PTPRQ: variants seen among roughly 807,000 people sequenced by gnomAD.
PTPRQ encodes protein tyrosine phosphatase receptor type Q.
PTPRQ carries 199 observed loss-of-function variants against 246.0 expected under a neutral mutation model. The ratio of observed to expected loss-of-function variants is 0.81; its 90% CI spans 0.72 to 0.91. The LOEUF (loss-of-function observed/expected upper bound fraction) is 0.91, where lower values mean the gene tolerates loss of function less well. Among genes scored for constraint, PTPRQ ranks in the 40% least tolerant of loss-of-function variants. The pLI, the probability that PTPRQ is intolerant of heterozygous loss-of-function variation, is 0.00. For synonymous variants in PTPRQ, 869 were observed against 853.2 expected, an observed-to-expected ratio of 1.02 and a Z score of -0.32; for missense variants, 2,624 against 2,528.4, an observed-to-expected ratio of 1.04 and a Z score of -0.81.
At chr12:80,462,008 G>T in intron 6 of PTPRQ, 1 of 695,392 alleles carries the variant, frequency 1.4e-6, no homozygotes, top group East Asian at 2.7e-5. Flanking sequence ...GCCAGACAGT[G>T]GATGCAGGTC....
chr12:80,542,848 T>G lies in PTPRQ; in HGVS notation c.3840T>G (p.Ile1280Met), dbSNP rs1251491003. 5 of 1,538,202 alleles carry G rather than the reference T, an allele frequency of 3.3e-6. No homozygotes were observed. Among genetic ancestry groups the G allele is most frequent in the Non-Finnish European group, 4.4e-6 (5 of 1,141,076 alleles). ...GGIVKVYSFK[I>M]HEHETDTIYY... ...TTGTTAAAGTATATAGTTTTAAAAT[T>G]CATGAACATGAAACTGACACTATAT... Residue 1280 changes from isoleucine (I) to methionine (M), a missense_variant, in exon 23 of 45, where the codon ATT becomes ATG. By Grantham distance (10) the Ile-to-Met change is conservative (BLOSUM62 1). Coordinates refer to ENST00000644991, the MANE Select transcript of PTPRQ (RefSeq NM_001145026.2).
At chr12:80,514,398 ACACACTCT>A (rs1895218806) in intron 17 of PTPRQ, among the ~76,000 whole-genome samples, 1 of 42,314 alleles carries the variant, frequency 2.4e-5, no homozygotes, top group African/African-American at 7.0e-5. Context: ...ACACACACAC[ACACACTCT>A]CTCTCTCTCT....
intron 6 of PTPRQ, among the ~76,000 whole-genome samples, chr12:80,467,874 G>A (rs559707072): frequency 3.2e-4 from 48 of 152,208 alleles, no homozygotes; most frequent in African/African-American, 1.1e-3. Context: ...GGGGCAGGGG[G>A]GAGGTATAGC....
At chr12:80,588,050 A>T in intron 25 of PTPRQ, 79 bp from the exon 26 acceptor site, 1 of 1,396,680 alleles carries the variant, frequency 7.2e-7, no homozygotes, top group Non-Finnish European at 9.5e-7. Context: ...GCTCCTCCAT[A>T]ATAGAATTCT....
At chr12:80,465,545 A>T (rs201067645) in intron 6 of PTPRQ, 3 of 152,016 alleles carry the variant, frequency 2.0e-5, no homozygotes, top group Admixed American at 6.6e-5. Flanking sequence ...GGGTAGAGAC[A>T]CAACCAAAAA....
At chr12:80,450,309 C>G (rs1302363069) in intron 3 of PTPRQ, among the ~76,000 whole-genome samples, 1 of 152,170 alleles carries the variant, frequency 6.6e-6, no homozygotes, top group Non-Finnish European at 1.5e-5. Context: ...GATATACAAT[C>G]ATGTCATCTT....
chr12:80,450,360 A>G (rs530114120), intron 3 of PTPRQ, among the ~76,000 whole-genome samples: 37 of 152,230 alleles, frequency 2.4e-4, no homozygotes, highest in African/African-American at 8.2e-4. Context: ...CTAATTGAAT[A>G]CCCTTTATTT....
At chr12:80,631,012 C>A (rs1473783197) in intron 33 of PTPRQ, among the ~76,000 whole-genome samples, 1 of 152,268 alleles carries the variant, frequency 6.6e-6, no homozygotes, top group East Asian at 1.9e-4. Flanking sequence ...CCGTGCCCAG[C>A]CCTGTTTATT....
intron 26 of PTPRQ, among the ~76,000 whole-genome samples, chr12:80,589,568 C>T (rs982753033): frequency 5.9e-5 from 9 of 152,186 alleles, no homozygotes; most frequent in African/African-American, 2.2e-4. Context: ...GTGAAATACA[C>T]TTTGATCTAG....
intron 38 of PTPRQ, among the ~76,000 whole-genome samples, chr12:80,655,477 A>G (rs1900401292): frequency 6.6e-6 from 1 of 152,226 alleles, no homozygotes; most frequent in African/African-American, 2.4e-5. Flanking sequence ...ATGTCTGGAG[A>G]TAACAAACCC....
rs1442286452 is a variant in PTPRQ, at chr12:80,586,652, C to A, written c.4286-1477C>A. The A allele has an allele frequency of 4.6e-5, 7 of 152,310 alleles. No homozygotes were observed. The East Asian group carries it at 1.3e-3, about 29-fold the overall frequency. The allele number at this position is 152,310 out of a possible 1,614,324, so 9.4% of individuals were successfully genotyped here. ...AATTTTCAATATCCCTGAAACTCTC[C>A]TTCTTCTCATTCTTCTTTTTCTCCG... On this transcript the variant is annotated intron_variant, in intron 25 of 44. Transcript: ENST00000644991.
chr12:80,535,119 T>C lies in PTPRQ; in HGVS notation c.2985+82T>C. 2.3e-6 allele frequency: 3 copies of C among 1,315,086 alleles called. No homozygotes were observed. The South Asian group carries it at 4.9e-5, about 21-fold the overall frequency. 81.5% of individuals were successfully genotyped at this position (1,315,086 alleles called of 1,614,324 possible). A position where few individuals can be genotyped will look rare whatever the true frequency, so the allele number is the denominator to read the frequency against. On this transcript the variant is annotated intron_variant, in intron 19 of 44. Transcript: ENST00000644991. Reference sequence around the variant, plus strand: ...TACAGACTTGTCACAGTAAAAGAAATTGTTTACCTTACATTGATAATTAGG... The same window carrying C: ...TACAGACTTGTCACAGTAAAAGAAACTGTTTACCTTACATTGATAATTAGG...
intron 19 of PTPRQ, among the ~76,000 whole-genome samples, chr12:80,538,183 CTATATT>C (rs1896046206): frequency 6.6e-6 from 1 of 152,116 alleles, no homozygotes; most frequent in African/African-American, 2.4e-5. Context: ...TACCTTCTGA[CTATATT>C]TATATAAACA....
At chr12:80,573,274 G>A (rs1897196610) in intron 25 of PTPRQ, among the ~76,000 whole-genome samples, 1 of 152,164 alleles carries the variant, frequency 6.6e-6, no homozygotes, top group African/African-American at 2.4e-5. Flanking sequence ...CGGATCACGA[G>A]GTCAGTAGAT....
chr12:80,620,113 A>T (rs1196365804), intron 31 of PTPRQ, 41 bp from the exon 32 acceptor site: 1 of 1,503,456 alleles, frequency 6.7e-7, no homozygotes, highest in African/African-American at 1.4e-5. Context: ...ATATATTCAT[A>T]TGTTACTTGG....
chr12:80,579,604 C>T (rs562566555), intron 25 of PTPRQ, among the ~76,000 whole-genome samples: 5 of 152,210 alleles, frequency 3.3e-5, no homozygotes, highest in Admixed American at 6.5e-5. Context: ...GTATCCTGCC[C>T]ACATCATTCA....
chr12:80,456,150 A>G (rs1892976225), intron 3 of PTPRQ, among the ~76,000 whole-genome samples: 1 of 152,208 alleles, frequency 6.6e-6, no homozygotes. Context: ...ACCTGTGTAA[A>G]TATGTGATTT....
chr12:80,522,838 T>C (rs1895547136), intron 17 of PTPRQ, among the ~76,000 whole-genome samples: 2 of 152,156 alleles, frequency 1.3e-5, no homozygotes, highest in Non-Finnish European at 2.9e-5. Context: ...TTTTGTTGTG[T>C]CTCTGCCAGG....
intron 25 of PTPRQ, among the ~76,000 whole-genome samples, chr12:80,559,616 G>A (rs1225285945): frequency 6.6e-6 from 1 of 152,098 alleles, no homozygotes; most frequent in Non-Finnish European, 1.5e-5. Context: ...TTAAGTTAAT[G>A]ATGTTCATTA....
Sources: allele counts gnomAD v4.1 joint callset (sites outside exome capture counted in the v4.1 genomes callset), GRCh38; gene constraint gnomAD v4.1.1; transcripts MANE v1.5; gene names NCBI Gene and HGNC (gene_info 2026-07-23, HGNC 2026-07-21).